Variants in ZNF469 observed in about 807,000 individuals in gnomAD.
ZNF469 encodes the protein zinc finger protein 469.
A neutral mutation model predicts 1.0 loss-of-function variants in ZNF469; 1 was observed. The ratio of observed to expected loss-of-function variants is 1.00; its 90% CI spans 0.35 to 4.73. The LOEUF (loss-of-function observed/expected upper bound fraction) is 4.73, where lower values mean the gene tolerates loss of function less well. ZNF469 is among the 30% of genes most tolerant of loss of function. The pLI, the probability that ZNF469 is intolerant of heterozygous loss-of-function variation, is 0.16. For synonymous variants in ZNF469, 2,703 were observed against 2,363.4 expected, an observed-to-expected ratio of 1.14 and a Z score of -4.17; for missense variants, 6,100 against 5,356.3, an observed-to-expected ratio of 1.14 and a Z score of -4.33.
At chr16:88,348,773 T>G in the ZNF469 span, among the ~76,000 whole-genome samples, 1 of 152,116 alleles carries the variant, frequency 6.6e-6, no homozygotes, top group African/African-American at 2.4e-5. Flanking sequence ...ACCCCAACTC[T>G]CCAGGTGAAG....
At chr16:88,105,299 CTTTCTTTTTTTT>C in the ZNF469 span, among the ~76,000 whole-genome samples, 1 of 96,696 alleles carries the variant, frequency 1.0e-5, no homozygotes, top group South Asian at 4.1e-4. Context: ...TTTTTTCTTT[CTTTCTTTTTTTT>C]TTTTTTTTTT....
At chr16:88,391,442 C>A (rs796183968) in intron 1 of ZNF469, among the ~76,000 whole-genome samples, 2 of 152,360 alleles carry the variant, frequency 1.3e-5, no homozygotes, top group African/African-American at 4.8e-5. Context: ...TGGGGAACAG[C>A]GAATTCAGGG....
At chr16:88,356,716 G>A in the ZNF469 span, among the ~76,000 whole-genome samples, 23,492 of 152,116 alleles carry the variant, frequency 0.15, 2,254 homozygotes, top group East Asian at 0.4. Context: ...GGTTTCCGTC[G>A]TTCCGTGACC....
At chr16:88,380,819 C>CAT (rs1457612880), upstream of ZNF469, among the ~76,000 whole-genome samples, 31 of 145,896 alleles carry the variant, frequency 2.1e-4, no homozygotes, top group African/African-American at 7.5e-4. Context: ...CACACCCAGA[C>CAT]ACACACACAC....
the ZNF469 span, among the ~76,000 whole-genome samples, chr16:88,187,356 C>A: frequency 6.6e-6 from 1 of 152,208 alleles, no homozygotes; most frequent in African/African-American, 2.4e-5. Context: ...TGAGAACACA[C>A]GTTCTATTAA....
At chr16:88,422,744 GTGAATGGATGGA>G (rs1905521619) in intron 1 of ZNF469, among the ~76,000 whole-genome samples, 2 of 69,866 alleles carry the variant, frequency 2.9e-5, no homozygotes, top group Non-Finnish European at 5.5e-5. Flanking sequence ...TGATGGATGA[GTGAATGGATGGA>G]TGGATGGATG....
the ZNF469 span, among the ~76,000 whole-genome samples, chr16:88,270,584 GCATACAAAA>G: frequency 6.6e-6 from 1 of 152,228 alleles, no homozygotes; most frequent in Non-Finnish European, 1.5e-5. Context: ...TCCGTCTGCA[GCATACAAAA>G]CCAAAGGCTT....
chr16:88,399,875 G>T (rs372470808), intron 1 of ZNF469, among the ~76,000 whole-genome samples: 1 of 152,234 alleles, frequency 6.6e-6, no homozygotes, highest in Admixed American at 6.5e-5. Flanking sequence ...GTGCTCCTCC[G>T]CAGGGCTCTA....
At chr16:88,158,417 C>T in the ZNF469 span, among the ~76,000 whole-genome samples, 1 of 152,036 alleles carries the variant, frequency 6.6e-6, no homozygotes, top group African/African-American at 2.4e-5. Context: ...ATCCTGCCAT[C>T]TGGGGGTGCT....
the ZNF469 span, among the ~76,000 whole-genome samples, chr16:88,114,228 A>C: frequency 1.5e-5 from 2 of 134,102 alleles, no homozygotes; most frequent in African/African-American, 2.8e-5. Context: ...TCCGGGGAGA[A>C]TGACAGGGAC....
chr16:88,116,244 G>A, the ZNF469 span, among the ~76,000 whole-genome samples: 1 of 152,182 alleles, frequency 6.6e-6, no homozygotes, highest in Non-Finnish European at 1.5e-5. Flanking sequence ...AGCAGCTGTC[G>A]GGAAACGCAC....
chr16:88,193,037 T>C, the ZNF469 span, among the ~76,000 whole-genome samples: 21 of 142,166 alleles, frequency 1.5e-4, no homozygotes, highest in Non-Finnish European at 2.6e-4. Flanking sequence ...ATGGTGGTGA[T>C]GGTGGTGGTG....
upstream of ZNF469, among the ~76,000 whole-genome samples, chr16:88,378,149 C>T (rs1407959124): frequency 6.6e-6 from 1 of 152,170 alleles, no homozygotes; most frequent in African/African-American, 2.4e-5. Flanking sequence ...CAGCTCTGCC[C>T]TCCTGACAGG....
upstream of ZNF469, among the ~76,000 whole-genome samples, chr16:88,380,395 GCCCT>G (rs2092518378): frequency 1.5e-5 from 1 of 67,928 alleles, no homozygotes; most frequent in Non-Finnish European, 2.4e-5. Flanking sequence ...TCACAGACAC[GCCCT>G]CACACAGACA....
the ZNF469 span, among the ~76,000 whole-genome samples, chr16:88,325,748 C>T: frequency 6.6e-6 from 1 of 152,234 alleles, no homozygotes; most frequent in East Asian, 1.9e-4. Flanking sequence ...AGGGCCTTGC[C>T]ACTCAAATGC....
chr16:88,244,042 T>A, the ZNF469 span, among the ~76,000 whole-genome samples: 3 of 138,576 alleles, frequency 2.2e-5, no homozygotes, highest in African/African-American at 8.2e-5. Flanking sequence ...CATCGGTGGA[T>A]GGGTGAATGG....
At chr16:88,104,673 C>T in the ZNF469 span, among the ~76,000 whole-genome samples, 2 of 152,250 alleles carry the variant, frequency 1.3e-5, no homozygotes, top group Non-Finnish European at 2.9e-5. Context: ...CTTGTCTGAG[C>T]CTACAAAGAT....
At chr16:88,230,623 AGAGAG>A in the ZNF469 span, among the ~76,000 whole-genome samples, 3 of 18,756 alleles carry the variant, frequency 1.6e-4, no homozygotes, top group Admixed American at 2.0e-3. Context: ...CTCTCCCGCC[AGAGAG>A]TGGAACGCAC....
the ZNF469 span, among the ~76,000 whole-genome samples, chr16:88,165,133 C>T: frequency 6.6e-6 from 1 of 152,204 alleles, no homozygotes; most frequent in Non-Finnish European, 1.5e-5. Flanking sequence ...GGCCTCAGCC[C>T]GAAGGTAGAG....
Sources: gnomAD v4.1 joint callset for allele counts (sites outside exome capture counted in the v4.1 genomes callset) on GRCh38, gnomAD v4.1.1 for gene constraint, MANE v1.5 for transcripts, NCBI Gene and HGNC (gene_info 2026-07-23, HGNC 2026-07-21) for gene names.